Variants in SPAG16 observed in about 807,000 individuals in gnomAD.
SPAG16 encodes sperm-associated antigen 16 protein.
Under a neutral mutation model 80.4 loss-of-function variants are expected in SPAG16, and 86 were observed. The ratio of observed to expected loss-of-function variants is 1.07; its 90% confidence interval spans 0.90 to 1.28. SPAG16 has a LOEUF of 1.28. Ranked by LOEUF, SPAG16 falls within the 50% of genes most tolerant of loss-of-function variation. The pLI is 0.00. For synonymous variants in SPAG16, 294 were observed against 265.9 expected, an observed-to-expected ratio of 1.11 and a Z score of -1.03; for missense variants, 870 against 765.3, an observed-to-expected ratio of 1.14 and a Z score of -1.61.
intron 15 of SPAG16, among the ~76,000 whole-genome samples, chr2:214,170,145 T>TA (rs998214566): frequency 2.0e-5 from 3 of 151,678 alleles, no homozygotes; most frequent in African/African-American, 7.3e-5. Context: ...TTTCTGTCAT[T>TA]AAAAAAATGC....
chr2:213,303,290 G>A (rs755905101), intron 3 of SPAG16, among the ~76,000 whole-genome samples: 2 of 151,498 alleles, frequency 1.3e-5, no homozygotes, highest in Non-Finnish European at 2.9e-5. Flanking sequence ...TACATACTAG[G>A]TACATATATT....
chr2:214,290,086 A>T (rs1693680850), intron 15 of SPAG16, among the ~76,000 whole-genome samples: 1 of 151,922 alleles, frequency 6.6e-6, no homozygotes, highest in South Asian at 2.1e-4. Context: ...TACTGATTCA[A>T]TGTCACTACT....
chr2:213,644,891 C>G (rs1468353082), intron 10 of SPAG16, among the ~76,000 whole-genome samples: 1 of 152,204 alleles, frequency 6.6e-6, no homozygotes, highest in Non-Finnish European at 1.5e-5. Context: ...CCTTGTGGCT[C>G]TACACTCAGC....
At chr2:214,238,078 A>T (rs1689198062) in intron 15 of SPAG16, 1 of 323,212 alleles carries the variant, frequency 3.1e-6, no homozygotes. Context: ...TAGCATCAAG[A>T]ATATTTTTTA....
chr2:213,466,318 G>T (rs1249334575), intron 9 of SPAG16, among the ~76,000 whole-genome samples: 1 of 152,126 alleles, frequency 6.6e-6, no homozygotes, highest in Admixed American at 6.5e-5. Flanking sequence ...GATACATAAA[G>T]ATTTAACATC....
In SPAG16 at chr2:213,537,367, T is replaced by C. The variant is rs116604502; in HGVS notation, c.1070+47277T>C. Among the ~76,000 whole-genome samples the C allele has an allele frequency of 9.6e-3, 1,458 of 152,170 alleles. 25 individuals carry two copies. The highest frequency in any genetic ancestry group is 0.034 in the African/African-American group (1,395 of 41,530). ...AAAGCAACCTATCATACATTAATGA[T>C]TGAACTTTAAATATAGTAATATGTT... On this transcript the variant is annotated intron_variant, in intron 10 of 15. Coordinates refer to ENST00000331683, the MANE Select transcript of SPAG16 (RefSeq NM_024532.5).
intron 10 of SPAG16, among the ~76,000 whole-genome samples, chr2:213,846,941 G>T (rs1031219618): frequency 1.3e-5 from 2 of 152,110 alleles, no homozygotes; most frequent in African/African-American, 4.8e-5. Flanking sequence ...TTCCCATCTC[G>T]TCCAGGCTGT....
chr2:214,390,217 G>A (rs1487524005), intron 15 of SPAG16, among the ~76,000 whole-genome samples: 1 of 151,692 alleles, frequency 6.6e-6, no homozygotes, highest in Non-Finnish European at 1.5e-5. Flanking sequence ...CTCCTTCCTA[G>A]GTATTTGAAC....
At chr2:213,838,112 GA>G (rs146746707) in intron 10 of SPAG16, among the ~76,000 whole-genome samples, 15 of 146,030 alleles carry the variant, frequency 1.0e-4, no homozygotes, top group East Asian at 2.0e-4. Context: ...ATCAGCAAAG[GA>G]AAAAAAAAAG....
At chr2:214,114,594 G>A (rs1386350545) in intron 14 of SPAG16, among the ~76,000 whole-genome samples, 1 of 152,166 alleles carries the variant, frequency 6.6e-6, no homozygotes, top group East Asian at 1.9e-4. Context: ...CATGAGCGTG[G>A]GACCCCCTGC....
At chr2:214,193,729 G>T (rs2057744312) in intron 15 of SPAG16, among the ~76,000 whole-genome samples, 1 of 151,990 alleles carries the variant, frequency 6.6e-6, no homozygotes, top group African/African-American at 2.4e-5. Context: ...TTCAGTACAG[G>T]TTATTGTCCT....
intron 15 of SPAG16, among the ~76,000 whole-genome samples, chr2:214,355,065 A>T (rs1313047054): frequency 1.3e-5 from 2 of 152,054 alleles, no homozygotes; most frequent in African/African-American, 4.8e-5. Flanking sequence ...AACCATAAAA[A>T]CCCTAGAAGA....
At chr2:213,902,012 C>T (rs543100714) in intron 11 of SPAG16, among the ~76,000 whole-genome samples, 71 of 152,138 alleles carry the variant, frequency 4.7e-4, no homozygotes, top group Non-Finnish European at 9.0e-4. Context: ...TGAGGCATCT[C>T]CTAGAGTCTC....
At chr2:214,113,298 G>C (rs2053768872) in intron 14 of SPAG16, among the ~76,000 whole-genome samples, 1 of 151,988 alleles carries the variant, frequency 6.6e-6, no homozygotes, top group African/African-American at 2.4e-5. Context: ...TATGTGTCTT[G>C]GGGTTGCTCT....
intron 15 of SPAG16, among the ~76,000 whole-genome samples, chr2:214,195,168 C>A (rs1358709794): frequency 6.6e-6 from 1 of 151,894 alleles, no homozygotes; most frequent in East Asian, 1.9e-4. Context: ...CACTTCCAGG[C>A]ACAAGGAATG....
At chr2:213,701,409 C>T (rs933887313) in intron 10 of SPAG16, among the ~76,000 whole-genome samples, 3 of 151,990 alleles carry the variant, frequency 2.0e-5, no homozygotes, top group East Asian at 3.9e-4. Flanking sequence ...TGCTAGCAGC[C>T]CTCACTCACT....
At chr2:213,908,663 A>C (rs560249656) in intron 11 of SPAG16, among the ~76,000 whole-genome samples, 23 of 152,264 alleles carry the variant, frequency 1.5e-4, no homozygotes, top group Non-Finnish European at 2.8e-4. Context: ...ATTGCTAAAC[A>C]AAGGAAGAGT....
chr2:213,454,056 A>G (rs923318800), intron 9 of SPAG16, among the ~76,000 whole-genome samples: 5 of 152,120 alleles, frequency 3.3e-5, no homozygotes, highest in African/African-American at 1.2e-4. Flanking sequence ...CTTCAGTATG[A>G]AAGTAGTGTA....
chr2:214,156,482 A>C (rs2056219063), intron 15 of SPAG16, among the ~76,000 whole-genome samples: 1 of 152,162 alleles, frequency 6.6e-6, no homozygotes, highest in Non-Finnish European at 1.5e-5. Flanking sequence ...AAATAGGAAA[A>C]GAAGAAAGTG....
Sources: gnomAD v4.1 joint callset for allele counts (sites outside exome capture counted in the v4.1 genomes callset) on GRCh38, gnomAD v4.1.1 for gene constraint, MANE v1.5 for transcripts, NCBI Gene and HGNC (gene_info 2026-07-23, HGNC 2026-07-21) for gene names.